Variants in CENPC observed in about 807,000 individuals in gnomAD.
CENPC encodes CENP-C 1.
Under a neutral mutation model 112.1 loss-of-function variants are expected in CENPC, and 63 were observed. The ratio of observed to expected loss-of-function variants is 0.56; its 90% CI spans 0.46 to 0.69. The LOEUF is 0.69. Among genes scored for constraint, CENPC ranks in the 30% least tolerant of loss-of-function variants. The pLI, the probability that CENPC is intolerant of heterozygous loss-of-function variation, is 0.00. For synonymous variants in CENPC, 333 were observed against 367.6 expected, an observed-to-expected ratio of 0.91 and a Z score of 1.08; for missense variants, 1,000 against 1,103.8, an observed-to-expected ratio of 0.91 and a Z score of 1.33.
chr4:67,542,406 G>A (rs1726913237), intron 2 of CENPC, among the ~76,000 whole-genome samples: 3 of 152,128 alleles, frequency 2.0e-5, no homozygotes, highest in Admixed American at 2.0e-4. Context: ...TATATATGCA[G>A]TAATTAAAAA....
At chr4:67,528,897 T>G (rs1196845003) in intron 5 of CENPC, among the ~76,000 whole-genome samples, 1 of 152,196 alleles carries the variant, frequency 6.6e-6, no homozygotes. Context: ...ACTATCAAAT[T>G]GTTTTCTATG....
rs181572684 is a variant in CENPC at position 67,477,831 on chromosome 4, C to T, written c.2671-2853G>A. Among the ~76,000 whole-genome samples the T allele has an allele frequency of 4.6e-5, 7 of 151,644 alleles. No individual in the cohort carries two copies. The East Asian group carries it at 9.7e-4, about 21-fold the overall frequency. On this transcript the variant is annotated intron_variant, in intron 17 of 18. Coordinates refer to ENST00000273853, the MANE Select transcript of CENPC (RefSeq NM_001812.4). ...ATACAGGATTTTGATGAAAAAATCT[C>T]GAGAGAAATAGATAGCATAAATAAA...
chr4:67,532,384 A>ATCCC (rs1726580853), intron 4 of CENPC, among the ~76,000 whole-genome samples: 1 of 152,230 alleles, frequency 6.6e-6, no homozygotes, highest in Non-Finnish European at 1.5e-5. Flanking sequence ...TGACCCAGCC[A>ATCCC]TCCCATTACT....
In CENPC at chr4:67,526,161, T is replaced by C. The variant is rs577705535; in HGVS notation, c.331+4654A>G. On this transcript the variant is annotated intron_variant, in intron 5 of 18. Coordinates refer to ENST00000273853, the MANE Select transcript of CENPC (RefSeq NM_001812.4). ...GAGGGAAACATCACACACCAGGGCC[T>C]GTGGTGGGGGGAGGGAGGAAAGGGA... Among the ~76,000 whole-genome samples the C allele has an allele frequency of 2.0e-5, 3 of 151,686 alleles. No individual in the cohort carries two copies. In the South Asian group the frequency reaches 6.2e-4, roughly 32 times the overall value.
chr4:67,530,356 G>A (rs1280101838), intron 5 of CENPC, among the ~76,000 whole-genome samples: 2 of 151,858 alleles, frequency 1.3e-5, no homozygotes, highest in Admixed American at 6.6e-5. Flanking sequence ...TACACTATTG[G>A]TGTAAAAGGA....
chr4:67,528,075 T>C (rs1043294429), intron 5 of CENPC, among the ~76,000 whole-genome samples: 16 of 152,278 alleles, frequency 1.1e-4, no homozygotes, highest in South Asian at 8.3e-4. Context: ...GACATGGTTA[T>C]ATAGCTTAAA....
At chr4:67,519,550 G>A in intron 5 of CENPC, 48 bp from the exon 6 acceptor site, 2 of 1,235,812 alleles carry the variant, frequency 1.6e-6, no homozygotes, top group South Asian at 2.1e-5. Context: ...AGAATAATAA[G>A]AGAATCAAGC....
chr4:67,544,146 C>A lies in CENPC; in HGVS notation c.65+3G>T. On this transcript the variant is annotated splice_donor_region_variant and intron_variant, in intron 2 of 18. Coordinates refer to ENST00000273853, the MANE Select transcript of CENPC (RefSeq NM_001812.4). ...ATCTTAAAAGCTTAAGTACGTAAAT[C>A]ACCTGGAAGGTCGACAAAATCTTCT... 1 of 1,470,776 alleles carries A rather than the reference C, an allele frequency of 6.8e-7. No homozygotes were observed. The highest frequency in any genetic ancestry group is 9.5e-7 in the Non-Finnish European group (1 of 1,051,976). 91.1% of individuals were successfully genotyped at this position (1,470,776 alleles called of 1,614,324 possible).
chr4:67,492,935 C>A lies in CENPC; in HGVS notation c.2353G>T (p.Glu785Ter). 6.4e-7 allele frequency: 1 copy of A among 1,562,036 alleles called. No individual in the cohort carries two copies. Among genetic ancestry groups the A allele is most frequent in the Non-Finnish European group, 8.7e-7 (1 of 1,151,658 alleles). Residue 785 changes from glutamate to a stop codon, truncating the protein, a stop_gained, in exon 15 of 19, where the codon GAA (glutamate) becomes TAA (stop). Coordinates refer to ENST00000273853, the MANE Select transcript of CENPC (RefSeq NM_001812.4). LOFTEE classifies it high-confidence loss of function. ...DTISSKRKAK[E>*]NIGKVNKKSN... ...TTTTTGTTGACTTTTCCAATATTTT[C>A]TTTTGCCTTCCTTTTAGACGATATT...
At chr4:67,524,964 G>GGTACCAAAACAGATATAA (rs1726332404) in intron 5 of CENPC, among the ~76,000 whole-genome samples, 1 of 152,084 alleles carries the variant, frequency 6.6e-6, no homozygotes, top group Non-Finnish European at 1.5e-5. Context: ...GCTTGGTACT[G>GGTACCAAAACAGATATAA]GTACCAAAAC....
chr4:67,539,321 T>C (rs1726816234), intron 4 of CENPC, among the ~76,000 whole-genome samples: 1 of 152,242 alleles, frequency 6.6e-6, no homozygotes, highest in South Asian at 2.1e-4. Flanking sequence ...TCTAGCACTA[T>C]ATGATTTTTC....
At chr4:67,517,731 G>C (rs1173919689) in intron 7 of CENPC, among the ~76,000 whole-genome samples, 1 of 151,894 alleles carries the variant, frequency 6.6e-6, no homozygotes, top group Non-Finnish European at 1.5e-5. Flanking sequence ...CCAGCTACTC[G>C]GGAGGCTGAG....
chr4:67,481,120 CA>C, intron 17 of CENPC, among the ~76,000 whole-genome samples: 1 of 152,228 alleles, frequency 6.6e-6, no homozygotes, highest in Non-Finnish European at 1.5e-5. Context: ...TCAACGTACA[CA>C]AATCAATAGC....
At chr4:67,532,573 A>T (rs927211056) in intron 4 of CENPC, among the ~76,000 whole-genome samples, 4 of 152,236 alleles carry the variant, frequency 2.6e-5, no homozygotes, top group African/African-American at 9.6e-5. Context: ...AGCCATAAAA[A>T]AGGATGAGTT....
chr4:67,501,475 G>GA (rs962566491), intron 12 of CENPC, among the ~76,000 whole-genome samples: 12 of 152,036 alleles, frequency 7.9e-5, no homozygotes, highest in African/African-American at 2.9e-4. Flanking sequence ...GTTAAGTTAG[G>GA]AAAAAAACTA....
In CENPC at chr4:67,545,333, C is replaced by CT; in HGVS notation, c.18+4dup. The CT allele has an allele frequency of 6.6e-7, 1 of 1,517,268 alleles. No individual in the cohort carries two copies. The highest frequency in any genetic ancestry group is 8.9e-7 in the Non-Finnish European group (1 of 1,128,386). The allele number at this position is 1,517,268 out of a possible 1,614,324, so 94.0% of individuals were successfully genotyped here. On this transcript the variant is annotated splice_donor_region_variant and intron_variant, in intron 1 of 18. Coordinates refer to ENST00000273853, the MANE Select transcript of CENPC (RefSeq NM_001812.4). ...ACTCGCCTGGAGCGGGGGGCCTGCA[C>CT]TTACCAGACCGGACGCAGCCATGTT...
At position 67,530,818 on chromosome 4, in the gene CENPC, A is replaced by C; in HGVS notation, c.328T>G (p.Ser110Ala). Reference protein sequence around the residue: ...VVEPSEATNRSVQAHEVHQKI... With the variant: ...VVEPSEATNRAVQAHEVHQKI... ...TGCCCATGGAGATGGCACCAACCTG[A>C]TCTGTTTGTGGCTTCACTTGGTTCT... The change falls in exon 5 of 19, where the codon TCA becomes GCA. Residue 110 changes from serine (S) to alanine (A), a missense_variant. Ser to Ala is a moderately conservative substitution (Grantham distance 99, BLOSUM62 1). Coordinates refer to ENST00000273853, the MANE Select transcript of CENPC (RefSeq NM_001812.4). 1 of 1,555,848 alleles carries C rather than the reference A, an allele frequency of 6.4e-7. No homozygotes were observed. The highest frequency in any genetic ancestry group is 8.8e-7 in the Non-Finnish European group (1 of 1,138,798).
chr4:67,483,706 T>TCTTGTGTCTTGCTACAC (rs1470928278), intron 17 of CENPC, among the ~76,000 whole-genome samples: 1 of 152,146 alleles, frequency 6.6e-6, no homozygotes, highest in Non-Finnish European at 1.5e-5. Flanking sequence ...AAGACAGTGA[T>TCTTGTGTCTTGCTACAC]AATGATCCTA....
In CENPC at chr4:67,518,318, T is replaced by G. The variant is rs1577995754; in HGVS notation, c.668A>C (p.Lys223Thr). The G allele has an allele frequency of 1.3e-6, 2 of 1,543,358 alleles. No homozygotes were observed. Among genetic ancestry groups the G allele is most frequent in the Non-Finnish European group, 1.7e-6 (2 of 1,145,976 alleles). ...VMLKKIEIDN[K>T]VSDEEDKTSE... ...TGTTTTATCCTCTTCATCTGATACT[T>G]TATTATCTATTTCTATTTTCTTTAA... The change falls in exon 7 of 19, where the codon AAA (lysine) becomes ACA (threonine). Residue 223 changes from lysine (K) to threonine (T), a missense_variant. Coordinates refer to ENST00000273853, the MANE Select transcript of CENPC (RefSeq NM_001812.4).
Sources: allele counts gnomAD v4.1 joint callset (sites outside exome capture counted in the v4.1 genomes callset), GRCh38; gene constraint gnomAD v4.1.1; transcripts MANE v1.5; gene names NCBI Gene and HGNC (gene_info 2026-07-23, HGNC 2026-07-21).